RUSC2: variants seen among roughly 807,000 people sequenced by gnomAD.
RUSC2 encodes AP-4 complex accessory subunit RUSC2.
A neutral mutation model predicts 122.2 loss-of-function variants in RUSC2; 34 were observed. That is an observed-to-expected ratio of 0.28 (90% CI 0.21 to 0.37). The LOEUF (loss-of-function observed/expected upper bound fraction) is 0.37, where lower values mean the gene tolerates loss of function less well. Ranked by LOEUF, RUSC2 falls within the 10% of genes least tolerant of loss-of-function variation. The pLI is 1.00. For missense variants in RUSC2, 1,747 were observed against 1,952.4 expected, an observed-to-expected ratio of 0.89 and a Z score of 1.98; for synonymous variants, 784 against 790.0, an observed-to-expected ratio of 0.99 and a Z score of 0.13.
At position 35,548,377 on chromosome 9, in the gene RUSC2, C is replaced by T; in HGVS notation, c.1856C>T (p.Thr619Ile). Residue 619 changes from threonine to isoleucine, a missense_variant, in exon 2 of 12, where the codon ACC (threonine) becomes ATC (isoleucine). Physicochemically the swap from Thr to Ile is moderately conservative, Grantham distance 89. Coordinates refer to ENST00000361226, the MANE Select transcript of RUSC2 (RefSeq NM_014806.5). This position sits in a 1 kb window ranked among gnomAD's most constrained non-coding sequence, Gnocchi z 4.5. ...LGPDPSPPWSTQVCQGPHSSE... is the reference protein window; with the variant it reads ...LGPDPSPPWSIQVCQGPHSSE... ...CCAGACCCAAGTCCACCCTGGTCCA[C>T]CCAGGTCTGTCAGGGACCCCACTCC... 6.2e-7 allele frequency: 1 copy of T among 1,614,088 alleles called. No homozygotes were observed. Among genetic ancestry groups the T allele is most frequent in the Non-Finnish European group, 8.5e-7 (1 of 1,180,026 alleles).
chr9:35,511,902 C>T (rs112481753), intron 1 of RUSC2, among the ~76,000 whole-genome samples: 117 of 152,120 alleles, frequency 7.7e-4, no homozygotes, highest in African/African-American at 2.7e-3. Context: ...AAATCTCGGC[C>T]GGGCGCGGTG....
chr9:35,509,900 C>T (rs566988107), intron 1 of RUSC2, among the ~76,000 whole-genome samples: 5 of 152,162 alleles, frequency 3.3e-5, no homozygotes, highest in African/African-American at 7.2e-5. Context: ...TGAGGGGAAT[C>T]AAATAACTTG....
Position 35,555,007 on chromosome 9 carries a change from CAT to C in RUSC2, c.2015-50_2015-49del. 6.3e-7 allele frequency: 1 copy of C among 1,596,210 alleles called. No homozygotes were observed. The highest frequency in any genetic ancestry group is 2.2e-5 in the East Asian group (1 of 44,842). On this transcript the variant is annotated intron_variant, in intron 2 of 11. Coordinates refer to ENST00000361226, the MANE Select transcript of RUSC2 (RefSeq NM_014806.5). This position sits in a 1 kb window ranked among gnomAD's most constrained non-coding sequence, Gnocchi z 4.6. ...CCATCTCTGCTTCTGGGTTTTCTCT[CAT>C]ATGGGTTTCAGTGTCTGTCTACTGA...
chr9:35,551,936 T>C (rs1198455257), intron 2 of RUSC2, among the ~76,000 whole-genome samples: 1 of 151,942 alleles, frequency 6.6e-6, no homozygotes, highest in Non-Finnish European at 1.5e-5. Context: ...TGATGGCACA[T>C]GCCTGTAGTC....
rs1813782659 is a variant in RUSC2 at position 35,498,548 on chromosome 9, ACT to A, written c.-93+8379_-93+8380del. Among the ~76,000 whole-genome samples the A allele has an allele frequency of 4.0e-5, 6 of 151,248 alleles. No individual in the cohort carries two copies. In the South Asian group the frequency reaches 1.3e-3, roughly 32 times the overall value. Reference sequence around the variant, plus strand: ...ACTCAAGCCTGGGAGACAGAGCAAGACTCTGTCTCAAAAAAAGAAAGAAAAAG... The same window carrying A: ...ACTCAAGCCTGGGAGACAGAGCAAGACTGTCTCAAAAAAAGAAAGAAAAAG... On this transcript the variant is annotated intron_variant, in intron 1 of 11. Transcript: ENST00000361226.
chr9:35,558,385 G>A lies in RUSC2; in HGVS notation c.3235+14G>A. The A allele has an allele frequency of 1.9e-6, 3 of 1,613,884 alleles. No individual in the cohort carries two copies. Among genetic ancestry groups the A allele is most frequent in the Non-Finnish European group, 2.5e-6 (3 of 1,179,762 alleles). ...CCACACAGCTAGGTAGGTGCTGGGT[G>A]CCAAGACGGGGACCCAGGGCTGAAT... is the stretch of plus-strand genomic sequence containing the variant. On this transcript the variant is annotated intron_variant, in intron 7 of 11. Coordinates refer to ENST00000361226, the MANE Select transcript of RUSC2 (RefSeq NM_014806.5). This position sits in a 1 kb window ranked among gnomAD's most constrained non-coding sequence, Gnocchi z 4.3.
Position 35,561,765 on chromosome 9 carries a change from C to T in RUSC2, c.*383C>T, listed in dbSNP as rs913622804. ...ACAGTATTGGGGCCAGATCCCTAAG[C>T]CCCCCAGCTGTAAATAGGCTGTGGC... On this transcript the variant is annotated 3_prime_UTR_variant, in exon 12 of 12. Coordinates refer to ENST00000361226, the MANE Select transcript of RUSC2 (RefSeq NM_014806.5). The T allele has an allele frequency of 6.1e-5, 34 of 553,076 alleles. No homozygotes were observed. The highest frequency in any genetic ancestry group is 2.7e-4 in the South Asian group (11 of 40,482). 34.3% of individuals were successfully genotyped at this position (553,076 alleles called of 1,614,324 possible).
At chr9:35,518,668 G>A (rs1487321130) in intron 1 of RUSC2, among the ~76,000 whole-genome samples, 1 of 152,178 alleles carries the variant, frequency 6.6e-6, no homozygotes. Context: ...ATCCTAGTGT[G>A]TCATGTCTAG....
At chr9:35,538,082 C>G (rs1821566296) in intron 1 of RUSC2, among the ~76,000 whole-genome samples, 1 of 152,262 alleles carries the variant, frequency 6.6e-6, no homozygotes, top group African/African-American at 2.4e-5. Flanking sequence ...CTTCCTTTCC[C>G]TGGGGAGATA....
chr9:35,548,433 A>G lies in RUSC2; in HGVS notation c.1912A>G (p.Thr638Ala), dbSNP rs760531750. The G allele has an allele frequency of 6.2e-7, 1 of 1,613,982 alleles. No individual in the cohort carries two copies. The highest frequency in any genetic ancestry group is 1.7e-5 in the Admixed American group (1 of 60,032). The change falls in exon 2 of 12, where the codon ACT (threonine) becomes GCT (alanine). Residue 638 changes from threonine to alanine, a missense_variant. By Grantham distance (58) the Thr-to-Ala change is moderately conservative. Transcript: ENST00000361226. The surrounding 1 kb of genome is among the most constrained non-coding windows in gnomAD (Gnocchi z 4.5). ...GATGCCTCCTGCTGGCCTCAGAGCT[A>G]CTGGGCAAGGCCCCCTGGCTCAGCT... ...SEMPPAGLRA[T>A]GQGPLAQLMD... is the part of the protein sequence containing the mutation.
chr9:35,520,495 G>C (rs900224928), intron 1 of RUSC2, among the ~76,000 whole-genome samples: 2 of 152,120 alleles, frequency 1.3e-5, no homozygotes, highest in African/African-American at 4.8e-5. Flanking sequence ...TTTACTGTGC[G>C]TATGTGGCCT....
intron 1 of RUSC2, among the ~76,000 whole-genome samples, chr9:35,522,642 G>C (rs950573987): frequency 6.6e-6 from 1 of 151,938 alleles, no homozygotes; most frequent in Non-Finnish European, 1.5e-5. Flanking sequence ...CTTGTGGCTT[G>C]ATTGCTTGCT....
chr9:35,547,445 C>T lies in RUSC2; in HGVS notation c.924C>T (p.Asp308=), dbSNP rs763763459. The change falls in exon 2 of 12, where the codon GAC becomes GAT. Residue 308 remains aspartate (D), a synonymous_variant. Transcript: ENST00000361226. The surrounding 1 kb of genome is among the most constrained non-coding windows in gnomAD (Gnocchi z 4.6). Reference sequence around the variant, plus strand: ...ACTCTGCCCCACAGTCCTGCAGCGACTCTTCCTTCTGCAGCCACTCAGACC... The same window carrying T: ...ACTCTGCCCCACAGTCCTGCAGCGATTCTTCCTTCTGCAGCCACTCAGACC... ...NLNSAPQSCS[D]SSFCSHSDPG... The T allele has an allele frequency of 1.9e-6, 3 of 1,614,134 alleles. No individual in the cohort carries two copies. The East Asian group carries it at 6.7e-5, about 36-fold the overall frequency.
At chr9:35,530,849 G>C (rs1821405764) in intron 1 of RUSC2, among the ~76,000 whole-genome samples, 1 of 151,824 alleles carries the variant, frequency 6.6e-6, no homozygotes. Context: ...ACGTTGGCCA[G>C]GCTGGTCTCG....
intron 1 of RUSC2, among the ~76,000 whole-genome samples, chr9:35,523,567 T>C (rs1177634625): frequency 6.6e-6 from 1 of 151,928 alleles, no homozygotes; most frequent in Non-Finnish European, 1.5e-5. Flanking sequence ...TATAATCCTG[T>C]CACTTTGGGA....
intron 9 of RUSC2, among the ~76,000 whole-genome samples, chr9:35,559,746 CA>C (rs989968327): frequency 1.4e-4 from 21 of 152,166 alleles, no homozygotes; most frequent in African/African-American, 5.1e-4. Flanking sequence ...AAAAACAAAA[CA>C]AAAAACCTTG....
At chr9:35,512,246 G>A (rs1821024374) in intron 1 of RUSC2, among the ~76,000 whole-genome samples, 1 of 152,032 alleles carries the variant, frequency 6.6e-6, no homozygotes, top group Non-Finnish European at 1.5e-5. Context: ...AGTTTCTCAT[G>A]AAAGGGGCAA....
intron 2 of RUSC2, among the ~76,000 whole-genome samples, chr9:35,551,677 T>A (rs561242536): frequency 1.3e-5 from 2 of 152,316 alleles, no homozygotes; most frequent in African/African-American, 4.8e-5. Context: ...ACAGCTTTTT[T>A]CTAAATCAAA....
chr9:35,495,258 A>T (rs920350359), intron 1 of RUSC2, among the ~76,000 whole-genome samples: 16 of 106,448 alleles, frequency 1.5e-4, no homozygotes, highest in African/African-American at 4.6e-4. Context: ...TAATATATAA[A>T]ATATATTTTT....
Sources: allele counts gnomAD v4.1 joint callset (sites outside exome capture counted in the v4.1 genomes callset), GRCh38; gene constraint gnomAD v4.1.1; non-coding constraint Gnocchi (gnomAD v3.1); transcripts MANE v1.5; gene names NCBI Gene and HGNC (gene_info 2026-07-23, HGNC 2026-07-21).